Variants in PKD2L2 observed in about 807,000 individuals in gnomAD.
PKD2L2 encodes the protein polycystin 2 like 2, transient receptor potential cation channel.
In PKD2L2, 67 loss-of-function variants were observed where a neutral mutation model predicts 83.9. The observed-to-expected ratio is 0.80, with a 90% CI of 0.66 to 0.98. PKD2L2 has a LOEUF of 0.98. Ranked by LOEUF, PKD2L2 falls within the 50% of genes least tolerant of loss-of-function variation. The pLI is 0.00. For missense variants in PKD2L2, 632 were observed against 717.2 expected (o/e 0.88, Z 1.36); for synonymous variants, 223 against 237.8 (o/e 0.94, Z 0.57).
At chr5:137,919,805 T>C (rs1287691992) in intron 8 of PKD2L2, among the ~76,000 whole-genome samples, 1 of 152,218 alleles carries the variant, frequency 6.6e-6, no homozygotes, top group African/African-American at 2.4e-5. Flanking sequence ...TGAATGCTTT[T>C]TCTTCCTTCA....
At chr5:137,908,093 T>C (rs1307518420) in intron 7 of PKD2L2, among the ~76,000 whole-genome samples, 181 bp downstream of exon 7, 2 of 152,126 alleles carry the variant, frequency 1.3e-5, no homozygotes, top group African/African-American at 4.8e-5. Flanking sequence ...GGCAGGTAGA[T>C]TCTTGGCCCC....
intron 12 of PKD2L2, among the ~76,000 whole-genome samples, chr5:137,929,772 A>T (rs1462139875): frequency 6.6e-6 from 1 of 152,142 alleles, no homozygotes; most frequent in East Asian, 1.9e-4. Context: ...AGGACAGATG[A>T]CATTTGAATC....
At position 137,923,482 on chromosome 5, in the gene PKD2L2, C is replaced by T. The variant is rs772324626; in HGVS notation, c.1512C>T (p.Gly504=). 19 of 1,568,878 alleles carry T rather than the reference C, an allele frequency of 1.2e-5. No homozygotes were observed. The highest frequency in any genetic ancestry group is 3.3e-5 in the South Asian group (3 of 90,112). Residue 504 remains glycine, a synonymous_variant, in exon 10 of 15, where the codon GGC becomes GGT. Transcript: ENST00000508883. ...YSEVKADYSI[G]RRLDFELGKM... The stretch of plus-strand genomic sequence containing the variant: ...AAGTGAAAGCTGACTATTCAATAGG[C>T]AGAAGGCTAGATTTTGAACTTGGCA...
rs1302561439 is a variant in PKD2L2, at chr5:137,894,338, T to C, written c.268-15T>C. The C allele has an allele frequency of 6.4e-7, 1 of 1,573,542 alleles. No homozygotes were observed. Among genetic ancestry groups the C allele is most frequent in the East Asian group, 2.2e-5 (1 of 44,546 alleles). On this transcript the variant is annotated splice_polypyrimidine_tract_variant and intron_variant, in intron 3 of 14. Transcript: ENST00000508883. ...GAAAATATTTTTCCCATGACATTTG[T>C]TTTTCTCTGTGGAGTTTATGGAAGG...
chr5:137,930,839 A>G lies in PKD2L2; in HGVS notation c.1671+4910A>G, dbSNP rs183798870. Among the ~76,000 whole-genome samples, 60 of 152,144 alleles carry G rather than the reference A, an allele frequency of 3.9e-4. 2 individuals are homozygous for G. Among genetic ancestry groups the G allele is most frequent in the Middle Eastern group, 3.4e-3 (1 of 294 alleles). Reference sequence around the variant, plus strand: ...AAAGAAGTGAATGTTAGAATTTTCAAAAAAATGATAAATACCAAGAAAAAA... The same window carrying G: ...AAAGAAGTGAATGTTAGAATTTTCAGAAAAATGATAAATACCAAGAAAAAA... On this transcript the variant is annotated intron_variant, in intron 12 of 14. Coordinates refer to ENST00000508883, the MANE Select transcript of PKD2L2 (RefSeq NM_001300921.2).
At chr5:137,930,719 T>C (rs1215838519) in intron 12 of PKD2L2, among the ~76,000 whole-genome samples, 1 of 98,324 alleles carries the variant, frequency 1.0e-5, no homozygotes, top group Non-Finnish European at 2.3e-5. Context: ...AACAAAATAA[T>C]AAAAACACCA....
chr5:137,908,662 A>G (rs1757560304), intron 7 of PKD2L2, 103 bp from the exon 8 acceptor site: 1 of 618,562 alleles, frequency 1.6e-6, no homozygotes, highest in Admixed American at 3.4e-5. Flanking sequence ...ATTATCATTA[A>G]ATATCTCCTT....
intron 5 of PKD2L2, among the ~76,000 whole-genome samples, chr5:137,904,155 TCA>T (rs1757181568): frequency 6.6e-6 from 1 of 152,214 alleles, no homozygotes; most frequent in Non-Finnish European, 1.5e-5. Flanking sequence ...ATTGGTGGGT[TCA>T]GATATGAGGG....
intron 4 of PKD2L2, among the ~76,000 whole-genome samples, chr5:137,895,451 G>A (rs971345516): frequency 2.1e-4 from 30 of 144,482 alleles, no homozygotes; most frequent in Admixed American, 1.5e-3. Flanking sequence ...CAGCCTGGGC[G>A]ACAGAGGGAG....
chr5:137,919,592 G>GA (rs1224672370), intron 8 of PKD2L2, among the ~76,000 whole-genome samples: 1 of 151,528 alleles, frequency 6.6e-6, no homozygotes, highest in Non-Finnish European at 1.5e-5. Context: ...TCCTATGCCA[G>GA]AAAAAATATT....
At chr5:137,908,433 C>CA (rs1247108754) in intron 7 of PKD2L2, among the ~76,000 whole-genome samples, 1 of 151,822 alleles carries the variant, frequency 6.6e-6, no homozygotes, top group African/African-American at 2.4e-5. Flanking sequence ...ACTAAAAATA[C>CA]AAAAAATACT....
At chr5:137,937,471 T>C (rs1390735863) in intron 14 of PKD2L2, among the ~76,000 whole-genome samples, 6 of 152,330 alleles carry the variant, frequency 3.9e-5, no homozygotes, top group Non-Finnish European at 5.9e-5. Context: ...ATTTTGGAAA[T>C]TGGAGAGAAA....
chr5:137,917,162 C>CTTTTTT (rs34636933), intron 8 of PKD2L2, among the ~76,000 whole-genome samples: 13 of 127,162 alleles, frequency 1.0e-4, no homozygotes, highest in Admixed American at 3.5e-4. Flanking sequence ...GTTCACTTTT[C>CTTTTTT]TTTTTTTTTT....
intron 8 of PKD2L2, among the ~76,000 whole-genome samples, chr5:137,920,027 G>C (rs1758746445): frequency 6.6e-6 from 1 of 152,088 alleles, no homozygotes; most frequent in African/African-American, 2.4e-5. Context: ...GTGAAATCCT[G>C]TCTCTACTAA....
chr5:137,940,459 G>T, intron 14 of PKD2L2: 40 of 557,370 alleles, frequency 7.2e-5, no homozygotes, highest in Non-Finnish European at 9.4e-5. Context: ...CAAATAAAAA[G>T]TTGTTCTGTT....
chr5:137,897,069 T>G (rs1756547130), intron 4 of PKD2L2, among the ~76,000 whole-genome samples: 2 of 139,338 alleles, frequency 1.4e-5, no homozygotes, highest in African/African-American at 5.2e-5. Flanking sequence ...ATTATTATTA[T>G]TATTATTGAG....
intron 10 of PKD2L2, among the ~76,000 whole-genome samples, chr5:137,924,067 A>G (rs1759165248): frequency 6.6e-6 from 1 of 152,186 alleles, no homozygotes; most frequent in South Asian, 2.1e-4. Flanking sequence ...CATTTGTGGA[A>G]TACTTTAAAT....
chr5:137,925,163 A>G, intron 11 of PKD2L2, 59 bp downstream of exon 11: 1 of 1,050,108 alleles, frequency 9.5e-7, no homozygotes, highest in Non-Finnish European at 1.5e-6. Flanking sequence ...ATTATATGAG[A>G]ACCTTATAAG....
At position 137,898,243 on chromosome 5, in the gene PKD2L2, A is replaced by T. The variant is rs532992300; in HGVS notation, c.525-1273A>T. 2.0e-4 allele frequency among the ~76,000 whole-genome samples: 31 copies of T among 152,366 alleles called. No homozygotes were observed. In the South Asian group the frequency reaches 5.6e-3, roughly 27 times the overall value. Reference sequence around the variant, plus strand: ...CAGTCTCCCAAAGTGCTGGGATTACAGGCATGAGCCATTGCACGGGATCCA... The same window carrying T: ...CAGTCTCCCAAAGTGCTGGGATTACTGGCATGAGCCATTGCACGGGATCCA... On this transcript the variant is annotated intron_variant, in intron 4 of 14. Coordinates refer to ENST00000508883, the MANE Select transcript of PKD2L2 (RefSeq NM_001300921.2).
Sources: allele counts gnomAD v4.1 joint callset (sites outside exome capture counted in the v4.1 genomes callset), GRCh38; gene constraint gnomAD v4.1.1; transcripts MANE v1.5; gene names NCBI Gene and HGNC (gene_info 2026-07-23, HGNC 2026-07-21).